Variants in ERC2 observed in about 807,000 individuals in gnomAD.
ERC2 encodes the protein ELKS/RAB6-interacting/CAST family member 2, also known as ERC protein 2.
ERC2 carries 42 observed loss-of-function variants against 114.8 expected under a neutral mutation model. That is an observed-to-expected ratio of 0.37 (90% CI 0.29 to 0.47). The LOEUF is 0.47. Among genes scored for constraint, ERC2 ranks in the 20% least tolerant of loss-of-function variants. The pLI, the probability that ERC2 is intolerant of heterozygous loss-of-function variation, is 0.99. For missense variants in ERC2, 939 were observed against 1,150.7 expected (o/e 0.82, Z 2.66); for synonymous variants, 454 against 425.5 (o/e 1.07, Z -0.82).
chr3:55,749,765 C>G (rs939704604), intron 14 of ERC2, among the ~76,000 whole-genome samples: 1 of 152,196 alleles, frequency 6.6e-6, no homozygotes, highest in East Asian at 1.9e-4. Flanking sequence ...CTTGGGTCCC[C>G]TTCCACGCTG....
At chr3:55,797,233 A>C (rs1487392161) in intron 14 of ERC2, among the ~76,000 whole-genome samples, 2 of 152,206 alleles carry the variant, frequency 1.3e-5, no homozygotes, top group Non-Finnish European at 2.9e-5. Flanking sequence ...CAAATGAACT[A>C]AAACAAACAA....
chr3:55,879,098 A>ATTTTTTT (rs1553715235), intron 14 of ERC2, among the ~76,000 whole-genome samples: 28 of 20,644 alleles, frequency 1.4e-3, no homozygotes, highest in South Asian at 7.6e-3. Context: ...TCTTTTTCTT[A>ATTTTTTT]ATTTTTTTTT....
In ERC2 at chr3:56,417,439, T is replaced by A. The variant is rs577364068; in HGVS notation, c.657+16912A>T. Among the ~76,000 whole-genome samples the A allele has an allele frequency of 8.5e-5, 13 of 152,222 alleles. No homozygotes were observed. The South Asian group carries it at 2.1e-3, about 24-fold the overall frequency. ...GGCTCAGAATTGTCCAGGGCAGCCA[T>A]CTGAAAATTAACACAAACTGGCTTG... On this transcript the variant is annotated intron_variant, in intron 2 of 17. Transcript: ENST00000288221.
At chr3:56,433,357 G>A (rs989993455) in intron 2 of ERC2, among the ~76,000 whole-genome samples, 1 of 152,140 alleles carries the variant, frequency 6.6e-6, no homozygotes, top group Non-Finnish European at 1.5e-5. Flanking sequence ...TCACAGAATA[G>A]GTGGGATTTG....
At chr3:56,331,244 C>T (rs1489675697) in intron 2 of ERC2, among the ~76,000 whole-genome samples, 2 of 152,126 alleles carry the variant, frequency 1.3e-5, no homozygotes, top group Non-Finnish European at 2.9e-5. Context: ...CATCCCTGCC[C>T]TTTATTGTCT....
chr3:56,041,485 A>T (rs1256288775), intron 7 of ERC2, among the ~76,000 whole-genome samples: 1 of 152,178 alleles, frequency 6.6e-6, no homozygotes, highest in African/African-American at 2.4e-5. Flanking sequence ...CTTGGCTGGC[A>T]ACATTTCTGG....
intron 4 of ERC2, among the ~76,000 whole-genome samples, chr3:56,168,617 T>C (rs2082448570): frequency 6.6e-6 from 1 of 152,186 alleles, no homozygotes; most frequent in Admixed American, 6.5e-5. Context: ...CCTTTCCAGT[T>C]ATATGAAACT....
At chr3:55,869,017 C>G (rs1400214973) in intron 14 of ERC2, among the ~76,000 whole-genome samples, 2 of 152,084 alleles carry the variant, frequency 1.3e-5, no homozygotes, top group Non-Finnish European at 2.9e-5. Context: ...TAAATCCTTC[C>G]TTATTATAAA....
intron 2 of ERC2, among the ~76,000 whole-genome samples, chr3:56,358,931 G>T (rs957002359): frequency 5.9e-5 from 9 of 152,212 alleles, no homozygotes; most frequent in Admixed American, 2.6e-4. Flanking sequence ...TAAAGAATAT[G>T]CAATTCTGGA....
intron 3 of ERC2, among the ~76,000 whole-genome samples, chr3:56,237,825 C>G (rs185511657): frequency 1.1e-4 from 17 of 151,840 alleles, no homozygotes; most frequent in Admixed American, 3.9e-4. Context: ...GAAAGAAAAC[C>G]TAAGATGGGA....
At chr3:55,862,256 A>C (rs768475193) in intron 14 of ERC2, among the ~76,000 whole-genome samples, 66 of 152,100 alleles carry the variant, frequency 4.3e-4, no homozygotes, top group Non-Finnish European at 7.4e-4. Context: ...TCCAAATTCT[A>C]GTTGCTTCTT....
chr3:56,390,677 A>G (rs572844486), intron 2 of ERC2, among the ~76,000 whole-genome samples: 31 of 152,352 alleles, frequency 2.0e-4, no homozygotes, highest in African/African-American at 7.5e-4. Flanking sequence ...TTTCAGTAGC[A>G]AGAAGATTCT....
chr3:55,652,890 C>T (rs982458074), intron 17 of ERC2, among the ~76,000 whole-genome samples: 4 of 140,940 alleles, frequency 2.8e-5, no homozygotes, highest in Admixed American at 7.1e-5. Flanking sequence ...AAAACCAATA[C>T]ATGTTATTGT....
At chr3:55,588,242 G>A (rs1294530369) in intron 17 of ERC2, among the ~76,000 whole-genome samples, 2 of 152,030 alleles carry the variant, frequency 1.3e-5, no homozygotes, top group East Asian at 1.9e-4. Context: ...GAGCCCAGAA[G>A]TAATGATGTT....
intron 6 of ERC2, among the ~76,000 whole-genome samples, chr3:56,125,001 T>C (rs1174956557): frequency 2.6e-5 from 4 of 152,222 alleles, no homozygotes; most frequent in African/African-American, 9.6e-5. Flanking sequence ...TCTATTGTAT[T>C]TCATCCAACA....
At chr3:55,724,847 T>C (rs2064811302) in intron 15 of ERC2, among the ~76,000 whole-genome samples, 1 of 152,196 alleles carries the variant, frequency 6.6e-6, no homozygotes, top group African/African-American at 2.4e-5. Flanking sequence ...TCTTGGGAAG[T>C]TTCTCCTGTA....
At chr3:56,081,918 T>C (rs9831431) in intron 6 of ERC2, among the ~76,000 whole-genome samples, 6,886 of 152,260 alleles carry the variant, frequency 0.045, 289 homozygotes, top group African/African-American at 0.11. Context: ...TGTACACTAA[T>C]CCAGTCTTAA....
intron 3 of ERC2, chr3:56,185,053 AAAGTTTT>A (rs1334468314): frequency 3.3e-5 from 5 of 152,206 alleles, no homozygotes; most frequent in Non-Finnish European, 7.3e-5. Flanking sequence ...TTTCTAGTCC[AAAGTTTT>A]TCTTACTAAA....
intron 2 of ERC2, among the ~76,000 whole-genome samples, chr3:56,396,476 G>A (rs1177372697): frequency 6.6e-6 from 1 of 151,984 alleles, no homozygotes; most frequent in East Asian, 1.9e-4. Context: ...ACAATGAGGT[G>A]GTTTGACATG....
Sources: gnomAD v4.1 joint callset for allele counts (sites outside exome capture counted in the v4.1 genomes callset) on GRCh38, gnomAD v4.1.1 for gene constraint, MANE v1.5 for transcripts, NCBI Gene and HGNC (gene_info 2026-07-23, HGNC 2026-07-21) for gene names.